FGF14: variants seen among roughly 807,000 people sequenced by gnomAD.
FGF14 encodes fibroblast growth factor homologous factor 4.
A neutral mutation model predicts 25.5 loss-of-function variants in FGF14; 5 were observed. That is an observed-to-expected ratio of 0.20 (90% confidence interval 0.10 to 0.41). FGF14 has a LOEUF of 0.41. FGF14 is among the 10% of genes least tolerant of loss of function. FGF14 has a pLI of 1.00. For missense variants in FGF14, 222 were observed against 320.1 expected (o/e 0.69, Z 2.34); for synonymous variants, 138 against 118.3 (o/e 1.17, Z -1.08).
intron 1 of FGF14, among the ~76,000 whole-genome samples, chr13:102,117,210 C>T (rs897668501): frequency 3.9e-5 from 6 of 152,152 alleles, no homozygotes; most frequent in African/African-American, 1.4e-4. Flanking sequence ...AGGGACTATT[C>T]AGCTCTCTGT....
intron 1 of FGF14, among the ~76,000 whole-genome samples, chr13:101,950,802 A>G (rs756961357): frequency 2.1e-4 from 32 of 150,912 alleles, no homozygotes; most frequent in Non-Finnish European, 4.0e-4. Flanking sequence ...TAATAGGAGA[A>G]GAACAGGTTT....
At chr13:102,330,053 C>G (rs1362243497) in intron 1 of FGF14, among the ~76,000 whole-genome samples, 1 of 152,144 alleles carries the variant, frequency 6.6e-6, no homozygotes, top group African/African-American at 2.4e-5. Flanking sequence ...CCGCTAACCC[C>G]AAGTGGACCC....
At chr13:101,977,162 A>T (rs2139584056) in intron 1 of FGF14, among the ~76,000 whole-genome samples, 1 of 151,642 alleles carries the variant, frequency 6.6e-6, no homozygotes, top group African/African-American at 2.4e-5. Flanking sequence ...GGAGTAGAAC[A>T]TTAACAACAC....
At chr13:102,255,527 T>A (rs2052395156) in intron 1 of FGF14, among the ~76,000 whole-genome samples, 1 of 152,148 alleles carries the variant, frequency 6.6e-6, no homozygotes, top group Non-Finnish European at 1.5e-5. Flanking sequence ...TCATGTACAA[T>A]CAGTTGTCTT....
chr13:101,963,247 C>T (rs1333616304), intron 1 of FGF14, among the ~76,000 whole-genome samples: 1 of 152,220 alleles, frequency 6.6e-6, no homozygotes, highest in Non-Finnish European at 1.5e-5. Context: ...ACTTGTGACT[C>T]TTCTATTCTA....
At chr13:102,365,950 T>C (rs2057699441) in intron 1 of FGF14, among the ~76,000 whole-genome samples, 2 of 152,138 alleles carry the variant, frequency 1.3e-5, no homozygotes, top group Admixed American at 6.5e-5. Context: ...ATCTAAACAA[T>C]GTTCTCTCCA....
At chr13:101,916,342 G>T in intron 1 of FGF14, 111 bp downstream of exon 1, 1 of 1,349,840 alleles carries the variant, frequency 7.4e-7, no homozygotes, top group Non-Finnish European at 1.1e-6. Context: ...AAGGGAGGCC[G>T]GGGCCGGGGT....
At chr13:102,253,587 T>C (rs984868050) in intron 1 of FGF14, among the ~76,000 whole-genome samples, 5 of 152,220 alleles carry the variant, frequency 3.3e-5, no homozygotes, top group African/African-American at 9.6e-5. Context: ...GATGGATAGA[T>C]TGCAAAAATT....
intron 1 of FGF14, among the ~76,000 whole-genome samples, chr13:102,304,240 C>T (rs754092618): frequency 1.3e-5 from 2 of 152,042 alleles, no homozygotes; most frequent in Non-Finnish European, 2.9e-5. Context: ...ACCCCACGAA[C>T]TTCTTGCTTA....
At chr13:101,888,971 C>T (rs541255712) in intron 1 of FGF14, among the ~76,000 whole-genome samples, 1 of 152,198 alleles carries the variant, frequency 6.6e-6, no homozygotes, top group African/African-American at 2.4e-5. Flanking sequence ...TAGGTTGGGC[C>T]TTAGTCCAAT....
Position 102,161,564 on chromosome 13 carries a change from G to GA in FGF14, c.208+239906_208+239907insT, listed in dbSNP as rs2047629243. On this transcript the variant is annotated intron_variant, in intron 1 of 4. Coordinates refer to the FGF14 transcript ENST00000376131. ...ATATTCTCTATGCAACCAACTTTCT[G>GA]TGAAGAAAGAAAGAAGAAGAAGAAG... Among the ~76,000 whole-genome samples the GA allele has an allele frequency of 2.3e-4, 2 of 8,702 alleles. 1 individual carries two copies. The highest frequency in any genetic ancestry group is 2.6e-3 in the African/African-American group (2 of 770). 5.7% of individuals were successfully genotyped at this position (8,702 alleles called of 152,430 possible).
chr13:102,237,585 G>GAAA (rs3066871), intron 1 of FGF14, among the ~76,000 whole-genome samples: 18,351 of 135,358 alleles, frequency 0.14, 1,546 homozygotes, highest in East Asian at 0.37. Flanking sequence ...TTACACTTCA[G>GAAA]AAAAAAAAAA....
At chr13:101,975,862 A>C (rs2139575298) in intron 1 of FGF14, among the ~76,000 whole-genome samples, 1 of 152,310 alleles carries the variant, frequency 6.6e-6, no homozygotes, top group South Asian at 2.1e-4. Flanking sequence ...AACAAAATCC[A>C]CTTGGACAAA....
chr13:102,305,955 A>AT (rs1026820788), intron 1 of FGF14, among the ~76,000 whole-genome samples: 3 of 152,198 alleles, frequency 2.0e-5, no homozygotes, highest in Non-Finnish European at 4.4e-5. Context: ...CTGGGGAAGC[A>AT]TTTAGGAGAT....
Position 102,128,143 on chromosome 13 carries a change from C to G in FGF14, c.209-252847G>C, listed in dbSNP as rs142865557. ...CCCTTACTAACAAGGGAACCTTGGA[C>G]ACGTTGCTTAACTTCTCTGTGCCTC... On this transcript the variant is annotated intron_variant, in intron 1 of 4. Coordinates refer to the FGF14 transcript ENST00000376131. Among the ~76,000 whole-genome samples, 259 of 132,750 alleles carry G rather than the reference C, an allele frequency of 2.0e-3. 1 individual carries two copies. The highest frequency in any genetic ancestry group is 6.4e-3 in the African/African-American group (247 of 38,532). The allele number at this position is 132,750 out of a possible 152,430, so 87.1% of individuals were successfully genotyped here.
chr13:102,364,394 G>A (rs1476624019), intron 1 of FGF14, among the ~76,000 whole-genome samples: 1 of 152,206 alleles, frequency 6.6e-6, no homozygotes, highest in Non-Finnish European at 1.5e-5. Context: ...TTCAGCCTTA[G>A]AAGGTTGCTC....
At chr13:102,324,819 T>C (rs183490855) in intron 1 of FGF14, among the ~76,000 whole-genome samples, 6 of 152,346 alleles carry the variant, frequency 3.9e-5, no homozygotes, top group Non-Finnish European at 1.5e-5. Context: ...GATCTGTGTG[T>C]TCAAAACGTG....
intron 1 of FGF14, among the ~76,000 whole-genome samples, chr13:102,167,535 A>T (rs181143795): frequency 5.6e-4 from 81 of 144,308 alleles, no homozygotes; most frequent in Middle Eastern, 3.4e-3. Flanking sequence ...TAGTTTACTT[A>T]AAAAAAACCC....
chr13:102,077,361 CTG>C (rs1363361250), intron 1 of FGF14, among the ~76,000 whole-genome samples: 3 of 152,056 alleles, frequency 2.0e-5, no homozygotes, highest in Non-Finnish European at 4.4e-5. Flanking sequence ...AAGAGACAGT[CTG>C]TGAAATGGGA....
Sources: gnomAD v4.1 joint callset for allele counts (sites outside exome capture counted in the v4.1 genomes callset) on GRCh38, gnomAD v4.1.1 for gene constraint, MANE v1.5 for transcripts, NCBI Gene and HGNC (gene_info 2026-07-23, HGNC 2026-07-21) for gene names.